The following SLC44A5 variants were observed in gnomAD, a reference collection of about 807,000 sequenced individuals.
The protein encoded by SLC44A5 is solute carrier family 44 member 5.
Under a neutral mutation model 101.8 loss-of-function variants are expected in SLC44A5, and 57 were observed. That is an observed-to-expected ratio of 0.56 (90% CI 0.45 to 0.70). The LOEUF is 0.70. Ranked by LOEUF, SLC44A5 falls within the 30% of genes least tolerant of loss-of-function variation. SLC44A5 has a pLI of 0.00. For synonymous variants in SLC44A5, 281 were observed against 290.9 expected (o/e 0.97, Z 0.35); for missense variants, 737 against 853.1 (o/e 0.86, Z 1.70).
At chr1:75,249,735 T>C (rs956870726) in intron 7 of SLC44A5, among the ~76,000 whole-genome samples, 21 of 152,240 alleles carry the variant, frequency 1.4e-4, no homozygotes, top group African/African-American at 4.8e-4. Flanking sequence ...ATACATCATC[T>C]ATAGATTCTG....
chr1:75,603,856 G>A (rs1675161359), intron 1 of SLC44A5, among the ~76,000 whole-genome samples: 1 of 138,314 alleles, frequency 7.2e-6, no homozygotes, highest in Non-Finnish European at 1.5e-5. Context: ...ATTTTTAATG[G>A]GGTTATTGGT....
intron 6 of SLC44A5, among the ~76,000 whole-genome samples, chr1:75,273,970 T>G (rs546458556): frequency 1.3e-5 from 2 of 152,306 alleles, no homozygotes; most frequent in South Asian, 2.1e-4. Flanking sequence ...TTTGAATATC[T>G]GGTAAAATTC....
At chr1:75,568,339 AC>A (rs1672895514) in intron 1 of SLC44A5, among the ~76,000 whole-genome samples, 1 of 152,114 alleles carries the variant, frequency 6.6e-6, no homozygotes, top group Admixed American at 6.6e-5. Flanking sequence ...CCAACACATA[AC>A]CTCCAACAGA....
chr1:75,369,960 C>T (rs1355252936), intron 3 of SLC44A5, among the ~76,000 whole-genome samples: 1 of 152,172 alleles, frequency 6.6e-6, no homozygotes, highest in East Asian at 1.9e-4. Context: ...TGTATGCAAT[C>T]CAGTTTTCTC....
chr1:75,491,306 T>C (rs116677642), intron 2 of SLC44A5, among the ~76,000 whole-genome samples: 3,208 of 152,288 alleles, frequency 0.021, 124 homozygotes, highest in African/African-American at 0.073. Context: ...GAAGTTGATA[T>C]GCTGAGGATC....
At chr1:75,209,755 T>C (rs950631826) in intron 23 of SLC44A5, among the ~76,000 whole-genome samples, 1 of 152,132 alleles carries the variant, frequency 6.6e-6, no homozygotes, top group Non-Finnish European at 1.5e-5. Context: ...CAGTGTGAAG[T>C]TGGTGCTGTG....
chr1:75,395,754 T>G (rs1037644206), intron 3 of SLC44A5, among the ~76,000 whole-genome samples: 5 of 152,184 alleles, frequency 3.3e-5, no homozygotes, highest in African/African-American at 1.2e-4. Flanking sequence ...GTTAAGCTAA[T>G]TAACATATCC....
chr1:75,242,754 G>A, intron 8 of SLC44A5, 132 bp downstream of exon 8: 1 of 1,105,268 alleles, frequency 9.0e-7, no homozygotes, highest in South Asian at 1.7e-5. Context: ...ATGCATTTCT[G>A]TTTCAATGAA....
At chr1:75,626,461 G>C in the SLC44A5 span, among the ~76,000 whole-genome samples, 1 of 152,130 alleles carries the variant, frequency 6.6e-6, no homozygotes, top group Admixed American at 6.5e-5. Flanking sequence ...ACACAGGAAT[G>C]ATCTGACTCA....
At chr1:75,459,988 T>C (rs573959589) in intron 2 of SLC44A5, among the ~76,000 whole-genome samples, 57 of 152,210 alleles carry the variant, frequency 3.7e-4, no homozygotes, top group African/African-American at 1.3e-3. Flanking sequence ...AAGTAGGAAA[T>C]AATTCTTGGA....
chr1:75,276,033 T>A (rs979462959), intron 5 of SLC44A5, among the ~76,000 whole-genome samples: 1 of 152,164 alleles, frequency 6.6e-6, no homozygotes, highest in African/African-American at 2.4e-5. Flanking sequence ...GATAAAAAAA[T>A]CAATTCTGTA....
chr1:75,502,561 TTTA>T (rs1327447003), intron 2 of SLC44A5, among the ~76,000 whole-genome samples: 1 of 152,148 alleles, frequency 6.6e-6, no homozygotes, highest in Non-Finnish European at 1.5e-5. Context: ...TGTTTATTTT[TTTA>T]TTATTATACT....
At chr1:75,436,584 G>T (rs955470325) in intron 2 of SLC44A5, among the ~76,000 whole-genome samples, 6 of 152,064 alleles carry the variant, frequency 3.9e-5, no homozygotes, top group African/African-American at 4.8e-5. Context: ...AAATGTGAAG[G>T]CCTAGGACAT....
intron 1 of SLC44A5, among the ~76,000 whole-genome samples, chr1:75,604,509 T>A (rs1001466791): frequency 6.6e-6 from 1 of 152,122 alleles, no homozygotes; most frequent in East Asian, 1.9e-4. Context: ...CTTTATTACT[T>A]TATTACTTCC....
At chr1:75,227,119 T>C (rs1647215967) in intron 13 of SLC44A5, among the ~76,000 whole-genome samples, 1 of 152,074 alleles carries the variant, frequency 6.6e-6, no homozygotes, top group African/African-American at 2.4e-5. Context: ...CATGCCAGCA[T>C]GTTAGAAGGC....
chr1:75,479,209 C>T (rs1246168752), intron 2 of SLC44A5, among the ~76,000 whole-genome samples: 5 of 152,122 alleles, frequency 3.3e-5, no homozygotes, highest in Non-Finnish European at 4.4e-5. Context: ...CCAATGAGAA[C>T]AAAGACACAA....
At chr1:75,226,304 T>C (rs1647193446) in intron 13 of SLC44A5, among the ~76,000 whole-genome samples, 1 of 152,024 alleles carries the variant, frequency 6.6e-6, no homozygotes, top group Non-Finnish European at 1.5e-5. Context: ...GAGGGACATC[T>C]GTGCTGCTCA....
intron 1 of SLC44A5, among the ~76,000 whole-genome samples, chr1:75,593,210 A>G (rs1357529302): frequency 6.6e-6 from 1 of 152,094 alleles, no homozygotes; most frequent in Non-Finnish European, 1.5e-5. Context: ...AAGACACAAA[A>G]ATGGCAAACA....
At chr1:75,404,359 T>C (rs1456101217) in intron 2 of SLC44A5, among the ~76,000 whole-genome samples, 3 of 152,108 alleles carry the variant, frequency 2.0e-5, no homozygotes, top group African/African-American at 7.2e-5. Context: ...ACCACAAAGA[T>C]ACTCCTCGAG....
Sources: allele counts gnomAD v4.1 joint callset (sites outside exome capture counted in the v4.1 genomes callset), GRCh38; gene constraint gnomAD v4.1.1; transcripts MANE v1.5; gene names NCBI Gene and HGNC (gene_info 2026-07-23, HGNC 2026-07-21).